The following SOX5 variants were observed in gnomAD, a reference collection of about 807,000 sequenced individuals.
The protein encoded by SOX5 is transcription factor SOX-5.
In SOX5, 9 loss-of-function variants were observed where a neutral mutation model predicts 92.0. That is an observed-to-expected ratio of 0.10 (90% confidence interval 0.06 to 0.17). The LOEUF (loss-of-function observed/expected upper bound fraction) is 0.17. Among genes scored for constraint, SOX5 ranks in the 10% least tolerant of loss-of-function variants. The pLI, the probability that SOX5 is intolerant of heterozygous loss-of-function variation, is 1.00. For synonymous variants in SOX5, 344 were observed against 336.3 expected (o/e 1.02, Z -0.25); for missense variants, 642 against 944.5 (o/e 0.68, Z 4.20).
intron 4 of SOX5, among the ~76,000 whole-genome samples, chr12:23,999,330 A>C (rs1463716425): frequency 6.6e-6 from 1 of 152,120 alleles, no homozygotes; most frequent in Non-Finnish European, 1.5e-5. Context: ...GGAGATTTTG[A>C]CCAAAGAGTA....
At chr12:24,248,008 A>C (rs1437491634) in intron 3 of SOX5, among the ~76,000 whole-genome samples, 1 of 152,042 alleles carries the variant, frequency 6.6e-6, no homozygotes, top group Non-Finnish European at 1.5e-5. Flanking sequence ...TTTTCTTTTA[A>C]GCTACTTCTT....
At chr12:23,562,120 C>T (rs1018403921) in intron 11 of SOX5, among the ~76,000 whole-genome samples, 7 of 152,108 alleles carry the variant, frequency 4.6e-5, no homozygotes, top group African/African-American at 1.7e-4. Flanking sequence ...TGGTGCTTAG[C>T]TATAAAAATG....
At chr12:23,907,186 G>T (rs996418932) in intron 1 of SOX5, among the ~76,000 whole-genome samples, 1 of 152,146 alleles carries the variant, frequency 6.6e-6, no homozygotes, top group Non-Finnish European at 1.5e-5. Context: ...GTGCATGTGT[G>T]TATGTGTGCA....
At chr12:24,007,166 T>A (rs1238465778) in intron 4 of SOX5, among the ~76,000 whole-genome samples, 15 of 66,592 alleles carry the variant, frequency 2.3e-4, no homozygotes, top group East Asian at 9.0e-4. Flanking sequence ...TATATACATT[T>A]ATATATGTAT....
At chr12:23,708,884 C>T (rs1008150750) in intron 6 of SOX5, among the ~76,000 whole-genome samples, 4 of 152,082 alleles carry the variant, frequency 2.6e-5, no homozygotes, top group Admixed American at 1.3e-4. Context: ...TCATAGAATA[C>T]GTGGCTGGTA....
intron 2 of SOX5, among the ~76,000 whole-genome samples, chr12:24,285,058 G>A (rs780982276): frequency 9.2e-5 from 14 of 152,098 alleles, no homozygotes; most frequent in African/African-American, 1.7e-4. Context: ...CCTTGAACCC[G>A]GGAGGTGGAG....
At chr12:24,173,602 G>A (rs1159911117) in intron 4 of SOX5, among the ~76,000 whole-genome samples, 1 of 152,168 alleles carries the variant, frequency 6.6e-6, no homozygotes, top group Non-Finnish European at 1.5e-5. Context: ...GAGGTTAAGA[G>A]CTAAGGCCAT....
chr12:23,575,599 A>G, intron 10 of SOX5, 62 bp downstream of exon 10: 1 of 1,503,012 alleles, frequency 6.7e-7, no homozygotes, highest in Non-Finnish European at 9.3e-7. Flanking sequence ...TGCCATTTAA[A>G]GATGATTCCA....
chr12:23,681,341 A>G (rs1023075245), intron 6 of SOX5, among the ~76,000 whole-genome samples: 15 of 151,956 alleles, frequency 9.9e-5, no homozygotes, highest in Non-Finnish European at 1.9e-4. Flanking sequence ...ACATAAAAAT[A>G]AAAGAAAATA....
intron 1 of SOX5, among the ~76,000 whole-genome samples, chr12:23,925,307 A>G (rs1939642783): frequency 6.6e-6 from 1 of 152,050 alleles, no homozygotes; most frequent in African/African-American, 2.4e-5. Context: ...GTTAATGTTA[A>G]TTTTTAGTAG....
At chr12:24,102,509 A>G (rs1946209852) in intron 4 of SOX5, among the ~76,000 whole-genome samples, 1 of 152,210 alleles carries the variant, frequency 6.6e-6, no homozygotes, top group African/African-American at 2.4e-5. Context: ...CTTCTTTTCA[A>G]AAATCTTAAA....
Position 23,560,725 on chromosome 12 carries a change from TGTAA to T in SOX5, c.1488+2529_1488+2532del, listed in dbSNP as rs369718154. Among the ~76,000 whole-genome samples, 31 of 152,350 alleles carry T rather than the reference TGTAA, an allele frequency of 2.0e-4. No individual in the cohort carries two copies. The East Asian group carries it at 3.9e-3, about 19-fold the overall frequency. On this transcript the variant is annotated intron_variant, in intron 11 of 14. Transcript: ENST00000451604. Reference sequence around the variant, plus strand: ...TGTTGAATAATTACTAATTAAAAGATGTAAGTGTGACATTATTATCTCATTTTCA... The same window carrying T: ...TGTTGAATAATTACTAATTAAAAGATGTGTGACATTATTATCTCATTTTCA...
At position 23,534,317 on chromosome 12, in the gene SOX5, T is replaced by G; in HGVS notation, c.2194A>C (p.Asn732His). Reference protein sequence around the residue: ...IKEEIQAEDINGEIYDEYDEE... With the variant: ...IKEEIQAEDIHGEIYDEYDEE... Reference sequence around the variant, plus strand: ...TCGTACTCATCATAAATTTCTCCATTGATGTCCTCGGCCTGTATCTCTTCT... The same window carrying G: ...TCGTACTCATCATAAATTTCTCCATGGATGTCCTCGGCCTGTATCTCTTCT... Residue 732 changes from asparagine (N) to histidine (H), a missense_variant, in exon 15 of 15, where the codon AAT becomes CAT. By Grantham distance (68) the Asn-to-His change is moderately conservative (BLOSUM62 1). This residue lies in a region of SOX5 where 130 missense variants were observed against 140.6 expected (regional missense o/e 0.92). Transcript: ENST00000451604. The G allele has an allele frequency of 1.9e-6, 3 of 1,614,160 alleles. No homozygotes were observed.
rs71059907 is a variant in SOX5 at position 23,577,191 on chromosome 12, A to ATATTT, written c.1165-1354_1165-1353insAAATA. 2.2e-3 allele frequency among the ~76,000 whole-genome samples: 135 copies of ATATTT among 61,378 alleles called. 3 individuals carry two copies. The East Asian group carries it at 0.044, about 20-fold the overall frequency. The allele number at this position is 61,378 out of a possible 152,430, so 40.3% of individuals were successfully genotyped here. ...CACACACACACATATATATATATAT[A>ATATTT]TTTTTTTTTTTTTTTTTTTTTGAGA... On this transcript the variant is annotated intron_variant, in intron 9 of 14. Transcript: ENST00000451604.
chr12:23,621,099 T>C (rs912510564), intron 8 of SOX5, among the ~76,000 whole-genome samples: 1 of 152,126 alleles, frequency 6.6e-6, no homozygotes, highest in Non-Finnish European at 1.5e-5. Flanking sequence ...TCTTAACATT[T>C]ATAAGTAAAT....
At chr12:23,948,361 C>CT (rs1254718522) in intron 1 of SOX5, among the ~76,000 whole-genome samples, 2 of 152,064 alleles carry the variant, frequency 1.3e-5, no homozygotes, top group Non-Finnish European at 2.9e-5. Context: ...CCTCAATACT[C>CT]TTTTTCTCTT....
intron 6 of SOX5, among the ~76,000 whole-genome samples, chr12:23,696,494 T>C (rs2089887479): frequency 6.6e-6 from 1 of 152,156 alleles, no homozygotes; most frequent in African/African-American, 2.4e-5. Flanking sequence ...CAAATTTGTG[T>C]CTACTCTGTT....
intron 4 of SOX5, among the ~76,000 whole-genome samples, chr12:23,965,974 G>C (rs1023761017): frequency 2.0e-5 from 3 of 152,072 alleles, no homozygotes; most frequent in East Asian, 1.9e-4. Context: ...ATTGTCCAGA[G>C]CACAATGATC....
chr12:23,820,525 T>C (rs1253172484), intron 3 of SOX5, among the ~76,000 whole-genome samples: 1 of 152,238 alleles, frequency 6.6e-6, no homozygotes, highest in Non-Finnish European at 1.5e-5. Context: ...TTGTATTGAC[T>C]AGGTTTTCTT....
Sources: allele counts gnomAD v4.1 joint callset (sites outside exome capture counted in the v4.1 genomes callset), GRCh38; gene constraint gnomAD v4.1.1; regional missense constraint gnomAD v4.1.1; transcripts MANE v1.5; gene names NCBI Gene and HGNC (gene_info 2026-07-23, HGNC 2026-07-21).